The following AUTS2 variants were observed in gnomAD, a reference collection of about 807,000 sequenced individuals.
AUTS2 encodes the protein activator of transcription and developmental regulator AUTS2.
Under a neutral mutation model 112.4 loss-of-function variants are expected in AUTS2, and 17 were observed. The ratio of observed to expected loss-of-function variants is 0.15; its 90% confidence interval spans 0.10 to 0.23. The LOEUF is 0.23. Among genes scored for constraint, AUTS2 ranks in the 10% least tolerant of loss-of-function variants. The pLI is 1.00. For synonymous variants in AUTS2, 751 were observed against 702.7 expected, an observed-to-expected ratio of 1.07 and a Z score of -1.09; for missense variants, 1,510 against 1,701.6, an observed-to-expected ratio of 0.89 and a Z score of 1.98.
intron 1 of AUTS2, among the ~76,000 whole-genome samples, chr7:69,769,403 AG>A (rs1788565043): frequency 6.6e-6 from 1 of 152,198 alleles, no homozygotes; most frequent in African/African-American, 2.4e-5. Flanking sequence ...ACTGCTGTCC[AG>A]GAAGTGGGAG....
chr7:70,152,202 T>G (rs10081305), intron 4 of AUTS2, among the ~76,000 whole-genome samples: 12,214 of 152,154 alleles, frequency 0.08, 633 homozygotes, highest in African/African-American at 0.13. Flanking sequence ...GAAAACTTCA[T>G]ACAGTCTAAT....
chr7:70,580,498 A>G (rs1165173086), intron 5 of AUTS2, among the ~76,000 whole-genome samples: 1 of 152,096 alleles, frequency 6.6e-6, no homozygotes, highest in Non-Finnish European at 1.5e-5. Flanking sequence ...ACTGGTAGGA[A>G]TTCTCTCCTG....
chr7:70,208,449 G>A (rs550146047), intron 4 of AUTS2, among the ~76,000 whole-genome samples: 3 of 152,216 alleles, frequency 2.0e-5, no homozygotes, highest in South Asian at 2.1e-4. Context: ...GACTTTTAGA[G>A]TAATTGCATG....
intron 1 of AUTS2, among the ~76,000 whole-genome samples, chr7:69,648,076 A>G (rs189539685): frequency 6.6e-6 from 1 of 152,288 alleles, no homozygotes; most frequent in East Asian, 1.9e-4. Flanking sequence ...ACTGAGGGTT[A>G]GGGCTTTAAC....
chr7:70,341,381 TATC>T (rs1176863846), intron 4 of AUTS2, among the ~76,000 whole-genome samples: 3 of 152,248 alleles, frequency 2.0e-5, no homozygotes, highest in Non-Finnish European at 2.9e-5. Context: ...AGTCTTTGAT[TATC>T]ATATTTACCC....
chr7:69,611,566 A>G (rs188814755), intron 1 of AUTS2, among the ~76,000 whole-genome samples: 13 of 152,370 alleles, frequency 8.5e-5, no homozygotes, highest in East Asian at 7.7e-4. Context: ...GTAGTTTTAC[A>G]TATATCTGAA....
chr7:70,266,222 G>T (rs1365081587), intron 4 of AUTS2, among the ~76,000 whole-genome samples: 1 of 152,168 alleles, frequency 6.6e-6, no homozygotes, highest in Admixed American at 6.5e-5. Flanking sequence ...AGAAAGAATG[G>T]AGTACCACAC....
At chr7:70,235,438 TA>T (rs1000121984) in intron 4 of AUTS2, among the ~76,000 whole-genome samples, 3 of 152,120 alleles carry the variant, frequency 2.0e-5, no homozygotes, top group Admixed American at 6.5e-5. Context: ...CCACCCAACC[TA>T]AAGTTGTTTT....
At chr7:70,724,735 G>A (rs893573040) in intron 6 of AUTS2, among the ~76,000 whole-genome samples, 8 of 152,060 alleles carry the variant, frequency 5.3e-5, no homozygotes, top group South Asian at 4.1e-4. Flanking sequence ...GTGAGCCACC[G>A]CGCCCGGCCT....
chr7:70,624,695 G>C (rs1265636213), intron 5 of AUTS2, among the ~76,000 whole-genome samples: 1 of 152,140 alleles, frequency 6.6e-6, no homozygotes, highest in African/African-American at 2.4e-5. Flanking sequence ...GTGATGTAAG[G>C]TAGAGAAACA....
chr7:69,650,242 T>G (rs1795231762), intron 1 of AUTS2, among the ~76,000 whole-genome samples: 2 of 152,170 alleles, frequency 1.3e-5, no homozygotes, highest in African/African-American at 2.4e-5. Flanking sequence ...CCTAAGTAGG[T>G]TAAGAGCTTG....
intron 5 of AUTS2, among the ~76,000 whole-genome samples, chr7:70,660,042 T>C (rs772080753): frequency 6.6e-6 from 1 of 151,906 alleles, no homozygotes; most frequent in Non-Finnish European, 1.5e-5. Context: ...CCAGGCATGG[T>C]GATGCATGCC....
intron 1 of AUTS2, among the ~76,000 whole-genome samples, chr7:69,841,704 A>G (rs895351762): frequency 6.6e-5 from 10 of 152,206 alleles, no homozygotes; most frequent in Non-Finnish European, 2.9e-5. Flanking sequence ...GACTAAGGGA[A>G]CATAACAGTC....
At chr7:70,050,371 A>AAAAT (rs1801697027) in intron 2 of AUTS2, among the ~76,000 whole-genome samples, 4 of 150,978 alleles carry the variant, frequency 2.6e-5, no homozygotes, top group Admixed American at 6.6e-5. Flanking sequence ...AAAAAAAAAA[A>AAAAT]AAAAAAAATT....
intron 4 of AUTS2, among the ~76,000 whole-genome samples, chr7:70,240,866 A>G (rs1362378694): frequency 6.6e-6 from 1 of 152,210 alleles, no homozygotes; most frequent in Non-Finnish European, 1.5e-5. Context: ...ACTCACCACC[A>G]CAAGTCAGAA....
At chr7:70,727,372 G>A (rs1054143900) in intron 6 of AUTS2, among the ~76,000 whole-genome samples, 1 of 152,134 alleles carries the variant, frequency 6.6e-6, no homozygotes, top group African/African-American at 2.4e-5. Context: ...GTTTTGAGAT[G>A]GAGTTTCGCT....
At chr7:70,118,299 A>G (rs1805496743) in intron 3 of AUTS2, 66 bp downstream of exon 3, 4 of 1,441,092 alleles carry the variant, frequency 2.8e-6, no homozygotes, top group South Asian at 3.1e-5. Flanking sequence ...CACACACACC[A>G]TTGGTTCAAG....
intron 1 of AUTS2, among the ~76,000 whole-genome samples, chr7:69,638,294 G>T (rs1220321470): frequency 6.6e-6 from 1 of 152,194 alleles, no homozygotes; most frequent in African/African-American, 2.4e-5. Flanking sequence ...GGGACTACAG[G>T]CGTGAGCCAC....
At chr7:70,290,712 A>G (rs967342858) in intron 4 of AUTS2, 4 of 1,258,276 alleles carry the variant, frequency 3.2e-6, no homozygotes, top group Admixed American at 4.3e-5. Context: ...ACAATTGTTA[A>G]CCTGCCCAGC....
Sources: allele counts gnomAD v4.1 joint callset (sites outside exome capture counted in the v4.1 genomes callset), GRCh38; gene constraint gnomAD v4.1.1; transcripts MANE v1.5; gene names NCBI Gene and HGNC (gene_info 2026-07-23, HGNC 2026-07-21).